Variants in VEPH1 observed in about 807,000 individuals in gnomAD.
The protein encoded by VEPH1 is ventricular zone-expressed PH domain-containing protein homolog 1.
A neutral mutation model predicts 85.2 loss-of-function variants in VEPH1; 80 were observed. The observed-to-expected ratio is 0.94, with a 90% CI of 0.78 to 1.13. The LOEUF is 1.13. Among genes scored for constraint, VEPH1 ranks in the 50% most tolerant of loss-of-function variants. VEPH1 has a pLI of 0.00. For missense variants in VEPH1, 955 were observed against 980.5 expected (o/e 0.97, Z 0.35); for synonymous variants, 297 against 348.0 (o/e 0.85, Z 1.63).
intron 4 of VEPH1, chr3:157,442,592 GA>G: frequency 6.2e-7 from 1 of 1,614,206 alleles, no homozygotes; most frequent in Non-Finnish European, 8.5e-7. Context: ...GTGGAGAGGA[GA>G]ACAAACTGGT....
chr3:157,328,790 A>T (rs1211139636), intron 9 of VEPH1, among the ~76,000 whole-genome samples: 1 of 152,164 alleles, frequency 6.6e-6, no homozygotes, highest in African/African-American at 2.4e-5. Flanking sequence ...GCAGGAAGAT[A>T]AAAAAAGCTA....
At chr3:157,415,813 C>A (rs1364552147) in intron 5 of VEPH1, among the ~76,000 whole-genome samples, 1 of 152,050 alleles carries the variant, frequency 6.6e-6, no homozygotes, top group Non-Finnish European at 1.5e-5. Flanking sequence ...ATTTATTCTG[C>A]CTGGAATTCT....
intron 4 of VEPH1, chr3:157,443,015 A>C: frequency 6.4e-7 from 1 of 1,558,726 alleles, no homozygotes; most frequent in Non-Finnish European, 8.7e-7. Context: ...AAAGAAAGAA[A>C]CTCACACTTA....
At chr3:157,288,423 C>T (rs1463155844) in intron 11 of VEPH1, among the ~76,000 whole-genome samples, 34 of 152,286 alleles carry the variant, frequency 2.2e-4, no homozygotes. Context: ...CATCCCAAAG[C>T]TCCTAATTCT....
chr3:157,367,904 A>T (rs532825219), intron 7 of VEPH1, among the ~76,000 whole-genome samples: 1 of 152,336 alleles, frequency 6.6e-6, no homozygotes, highest in South Asian at 2.1e-4. Flanking sequence ...GCTCTGGCTT[A>T]TATCAGTTAC....
At chr3:157,286,774 C>G in intron 11 of VEPH1, 100 bp from the exon 12 acceptor site, 1 of 976,466 alleles carries the variant, frequency 1.0e-6, no homozygotes, top group Admixed American at 1.9e-5. Flanking sequence ...ATGGTCAATG[C>G]TCAATCTCAG....
At position 157,342,393 on chromosome 3, in the gene VEPH1, C is replaced by T. The variant is rs1170981673; in HGVS notation, c.1735+20971G>A. Among the ~76,000 whole-genome samples the T allele has an allele frequency of 2.0e-5, 3 of 152,278 alleles. No individual in the cohort carries two copies. The East Asian group carries it at 5.8e-4, about 29-fold the overall frequency. On this transcript the variant is annotated intron_variant, in intron 9 of 13. Coordinates refer to ENST00000362010, the MANE Select transcript of VEPH1 (RefSeq NM_001167912.2). ...GTTGCAATCCTAGTCTCTGATAAAACAGACTTTAAACCAACAAAGATCAAA... is the reference window on the plus strand; with the variant it reads ...GTTGCAATCCTAGTCTCTGATAAAATAGACTTTAAACCAACAAAGATCAAA...
At chr3:157,418,678 G>A (rs542367257) in intron 5 of VEPH1, among the ~76,000 whole-genome samples, 4 of 139,100 alleles carry the variant, frequency 2.9e-5, no homozygotes, top group East Asian at 2.1e-4. Flanking sequence ...CAAGAAAATC[G>A]GAGAGGACAC....
intron 4 of VEPH1, among the ~76,000 whole-genome samples, chr3:157,445,020 C>G (rs1187605811): frequency 6.6e-6 from 1 of 152,154 alleles, no homozygotes; most frequent in Non-Finnish European, 1.5e-5. Context: ...ACATTACTTG[C>G]AGCTTGATGC....
At chr3:157,475,060 G>A (rs1737331372) in intron 2 of VEPH1, among the ~76,000 whole-genome samples, 2 of 151,772 alleles carry the variant, frequency 1.3e-5, no homozygotes, top group Non-Finnish European at 2.9e-5. Context: ...GCTCAATGCA[G>A]CCTCAACCTC....
intron 9 of VEPH1, among the ~76,000 whole-genome samples, chr3:157,342,714 C>T (rs1321410763): frequency 1.3e-5 from 2 of 152,242 alleles, no homozygotes; most frequent in Non-Finnish European, 2.9e-5. Context: ...CCAAATCCAA[C>T]AGAATATACA....
chr3:157,379,334 C>G (rs1314199553), intron 7 of VEPH1, among the ~76,000 whole-genome samples: 1 of 151,936 alleles, frequency 6.6e-6, no homozygotes, highest in Non-Finnish European at 1.5e-5. Flanking sequence ...CCTTTTTACC[C>G]TTATCTGGGG....
chr3:157,413,754 A>G, intron 6 of VEPH1, 127 bp downstream of exon 6: 1 of 1,396,004 alleles, frequency 7.2e-7, no homozygotes, highest in Admixed American at 2.6e-5. Context: ...TTTGTATGTC[A>G]AAGAGAAATT....
chr3:157,468,962 G>A (rs766991946), intron 3 of VEPH1, among the ~76,000 whole-genome samples: 5 of 152,120 alleles, frequency 3.3e-5, no homozygotes, highest in African/African-American at 7.2e-5. Context: ...CTATTCGATA[G>A]TGCTGCCCTA....
intron 6 of VEPH1, among the ~76,000 whole-genome samples, chr3:157,383,691 T>C (rs577372895): frequency 1.3e-5 from 2 of 152,322 alleles, no homozygotes; most frequent in South Asian, 4.2e-4. Flanking sequence ...TGTATGGGTA[T>C]GTGAGACAGA....
intron 6 of VEPH1, among the ~76,000 whole-genome samples, chr3:157,396,512 G>A (rs552173856): frequency 5.9e-5 from 9 of 152,134 alleles, no homozygotes; most frequent in African/African-American, 1.9e-4. Context: ...GTAAGGAATC[G>A]CCACACTGGC....
At chr3:157,498,255 T>C (rs1739830562) in intron 1 of VEPH1, among the ~76,000 whole-genome samples, 1 of 152,244 alleles carries the variant, frequency 6.6e-6, no homozygotes, top group Non-Finnish European at 1.5e-5. Flanking sequence ...CTTTAGTTCA[T>C]GTTGTTTTCC....
chr3:157,411,238 G>A (rs1356235800), intron 6 of VEPH1, among the ~76,000 whole-genome samples: 2 of 152,158 alleles, frequency 1.3e-5, no homozygotes, highest in Non-Finnish European at 2.9e-5. Flanking sequence ...GCACTCTAGA[G>A]AGATTGCCTT....
intron 6 of VEPH1, among the ~76,000 whole-genome samples, chr3:157,389,591 C>A (rs969292407): frequency 6.6e-6 from 1 of 150,740 alleles, no homozygotes; most frequent in Non-Finnish European, 1.5e-5. Context: ...AATCACAGAG[C>A]TGGATGGATG....
Sources: gnomAD v4.1 joint callset for allele counts (sites outside exome capture counted in the v4.1 genomes callset) on GRCh38, gnomAD v4.1.1 for gene constraint, MANE v1.5 for transcripts, NCBI Gene and HGNC (gene_info 2026-07-23, HGNC 2026-07-21) for gene names.